Variants in CACNA2D2 observed in about 807,000 individuals in gnomAD.
CACNA2D2 encodes voltage-dependent calcium channel subunit alpha-2/delta-2.
A neutral mutation model predicts 166.4 loss-of-function variants in CACNA2D2; 48 were observed. The observed-to-expected ratio is 0.29, with a 90% CI of 0.23 to 0.37. The LOEUF is 0.37. Among genes scored for constraint, CACNA2D2 ranks in the 10% least tolerant of loss-of-function variants. The pLI is 1.00. For synonymous variants in CACNA2D2, 561 were observed against 573.7 expected, an observed-to-expected ratio of 0.98 and a Z score of 0.32; for missense variants, 1,122 against 1,433.0, an observed-to-expected ratio of 0.78 and a Z score of 3.50.
intron 1 of CACNA2D2, among the ~76,000 whole-genome samples, chr3:50,495,941 T>C (rs906899663): frequency 3.3e-5 from 5 of 152,252 alleles, no homozygotes; most frequent in East Asian, 1.9e-4. Context: ...TTGCAAAAAT[T>C]TGAATTACAA....
chr3:50,461,930 G>A (rs1351281434), intron 2 of CACNA2D2, among the ~76,000 whole-genome samples: 1 of 152,190 alleles, frequency 6.6e-6, no homozygotes, highest in Non-Finnish European at 1.5e-5. Flanking sequence ...GGCTGGGAGA[G>A]CAGCCAGTCT....
At chr3:50,420,819 C>T (rs1199414824) in intron 3 of CACNA2D2, among the ~76,000 whole-genome samples, 1 of 152,236 alleles carries the variant, frequency 6.6e-6, no homozygotes, top group Non-Finnish European at 1.5e-5. Context: ...CTGGCCCCCT[C>T]ACCCCTTCCT....
intron 3 of CACNA2D2, among the ~76,000 whole-genome samples, chr3:50,423,574 T>C (rs1707670972): frequency 6.6e-6 from 1 of 152,242 alleles, no homozygotes; most frequent in Non-Finnish European, 1.5e-5. Context: ...CCACCAACCC[T>C]GTCCAGGGAG....
At chr3:50,385,569 C>T (rs148987312) in intron 5 of CACNA2D2, among the ~76,000 whole-genome samples, 14 of 151,826 alleles carry the variant, frequency 9.2e-5, no homozygotes, top group East Asian at 5.8e-4. Flanking sequence ...CACAGGGGTA[C>T]GGCTCTGAAG....
chr3:50,409,443 A>T (rs1706885361), intron 3 of CACNA2D2, among the ~76,000 whole-genome samples: 1 of 152,352 alleles, frequency 6.6e-6, no homozygotes, highest in South Asian at 2.1e-4. Flanking sequence ...CTCCTGAAAT[A>T]TATGGGTTGG....
chr3:50,503,794 C>T (rs547763257), upstream of CACNA2D2, among the ~76,000 whole-genome samples: 960 of 151,684 alleles, frequency 6.3e-3, 13 homozygotes, highest in African/African-American at 0.023. Context: ...CCTCTCGTCC[C>T]CGCGCAGCCC....
chr3:50,370,434 G>A, intron 22 of CACNA2D2, 54 bp from the exon 23 acceptor site: 1 of 817,736 alleles, frequency 1.2e-6, no homozygotes, highest in Non-Finnish European at 2.1e-6. Context: ...TGGAGGCCGG[G>A]GGGCTCAGAG....
chr3:50,502,534 T>C (rs1284914445), intron 1 of CACNA2D2, among the ~76,000 whole-genome samples: 1 of 152,198 alleles, frequency 6.6e-6, no homozygotes, highest in Non-Finnish European at 1.5e-5. Context: ...TATTACTCTG[T>C]TGGCAGCAGC....
In CACNA2D2 at chr3:50,379,217, G is replaced by C. The variant is rs1042539704; in HGVS notation, c.1153-18C>G. 4 of 1,599,266 alleles carry C rather than the reference G, an allele frequency of 2.5e-6. No individual in the cohort carries two copies. The highest frequency in any genetic ancestry group is 3.4e-6 in the Non-Finnish European group (4 of 1,166,680). ...ATGTTGGACTGAGGGGAGTGAGGCG[G>C]AGGCAGGCAGCTCTCAGCCCTCCCT... On this transcript the variant is annotated intron_variant, in intron 11 of 37. Transcript: ENST00000424201. This position sits in a 1 kb window ranked among gnomAD's most constrained non-coding sequence, Gnocchi z 6.5.
At chr3:50,473,042 G>C (rs937057148) in intron 2 of CACNA2D2, among the ~76,000 whole-genome samples, 2 of 152,174 alleles carry the variant, frequency 1.3e-5, no homozygotes, top group African/African-American at 4.8e-5. Context: ...GGGAACCCAG[G>C]AGGATGCGAC....
At chr3:50,476,005 C>T in intron 2 of CACNA2D2, 113 bp downstream of exon 2, 1 of 910,118 alleles carries the variant, frequency 1.1e-6, no homozygotes, top group South Asian at 1.5e-5. Context: ...CATCAGGTCC[C>T]ACCACACCAG....
Position 50,454,196 on chromosome 3 carries a change from T to C in CACNA2D2, c.289-19767A>G, listed in dbSNP as rs757137045. On this transcript the variant is annotated intron_variant, in intron 2 of 37. Transcript: ENST00000424201. ...CAGCCAGGCTCCGGAAGCCTCCTCC[T>C]CCCTCTTGTGTCTGAGCACTGGGGA... 6.8e-4 allele frequency among the ~76,000 whole-genome samples: 103 copies of C among 152,132 alleles called. No homozygotes were observed. In the Middle Eastern group the frequency reaches 0.01, roughly 15 times the overall value.
At chr3:50,435,073 C>T (rs1443670635) in intron 2 of CACNA2D2, among the ~76,000 whole-genome samples, 1 of 152,048 alleles carries the variant, frequency 6.6e-6, no homozygotes, top group Non-Finnish European at 1.5e-5. Context: ...ATGAATCTGC[C>T]CAGCCTTCCT....
chr3:50,376,284 G>A lies in CACNA2D2; in HGVS notation c.1627-96C>T. 1 of 1,295,952 alleles carries A rather than the reference G, an allele frequency of 7.7e-7. No homozygotes were observed. The highest frequency in any genetic ancestry group is 1.1e-6 in the Non-Finnish European group (1 of 923,626). The allele number at this position is 1,295,952 out of a possible 1,614,324, so 80.3% of individuals were successfully genotyped here. On this transcript the variant is annotated intron_variant, in intron 17 of 37. Coordinates refer to ENST00000424201, the MANE Select transcript of CACNA2D2 (RefSeq NM_006030.4). The surrounding 1 kb of genome is among the most constrained non-coding windows in gnomAD (Gnocchi z 4.3). ...CCTATTTGGCCTCCCACCGCACCGA[G>A]AGATTCTGTTTGCCTGCCTTGGGCT...
At chr3:50,454,023 C>A (rs1232085299) in intron 2 of CACNA2D2, among the ~76,000 whole-genome samples, 1 of 152,192 alleles carries the variant, frequency 6.6e-6, no homozygotes, top group Non-Finnish European at 1.5e-5. Context: ...GGTGCCTGCT[C>A]TGAATGGCCA....
chr3:50,364,687 G>C lies in CACNA2D2; in HGVS notation c.3411C>G (p.Val1137=), dbSNP rs757358420. ...GTGCTCAGAGGCGGCGAGAGGCGTG[G>C]ACGAGGACTTGAGGCTGCGGCCGGG... ...LPPRPQPQVL[V]HASRRL Residue 1137 remains valine (V), a synonymous_variant, in exon 38 of 38, where the codon GTC becomes GTG. Coordinates refer to ENST00000424201, the MANE Select transcript of CACNA2D2 (RefSeq NM_006030.4). 1.9e-6 allele frequency: 3 copies of C among 1,539,228 alleles called. No homozygotes were observed. Among genetic ancestry groups the C allele is most frequent in the Middle Eastern group, 2.2e-4 (1 of 4,494 alleles).
Position 50,379,409 on chromosome 3 carries a change from A to G in CACNA2D2, c.1152+23T>C, listed in dbSNP as rs772532205. The G allele has an allele frequency of 6.2e-7, 1 of 1,610,470 alleles. No homozygotes were observed. Among genetic ancestry groups the G allele is most frequent in the Non-Finnish European group, 8.5e-7 (1 of 1,177,616 alleles). On this transcript the variant is annotated intron_variant, in intron 11 of 37. Coordinates refer to ENST00000424201, the MANE Select transcript of CACNA2D2 (RefSeq NM_006030.4). The surrounding 1 kb of genome is among the most constrained non-coding windows in gnomAD (Gnocchi z 6.5). Reference sequence around the variant, plus strand: ...GGGCCCTCTACTCCCCCAGCCGCCCACTTGCCCACCCATGGGGCTCACGTT... The same window carrying G: ...GGGCCCTCTACTCCCCCAGCCGCCCGCTTGCCCACCCATGGGGCTCACGTT...
At chr3:50,461,203 T>C (rs1709569482) in intron 2 of CACNA2D2, among the ~76,000 whole-genome samples, 1 of 152,210 alleles carries the variant, frequency 6.6e-6, no homozygotes, top group South Asian at 2.1e-4. Flanking sequence ...TACAAGTTTC[T>C]GATAAAAACC....
Position 50,483,151 on chromosome 3 carries a change from A to G in CACNA2D2, c.207-6952T>C, listed in dbSNP as rs947986594. Among the ~76,000 whole-genome samples the G allele has an allele frequency of 2.0e-5, 3 of 152,198 alleles. No individual in the cohort carries two copies. The South Asian group carries it at 6.2e-4, about 31-fold the overall frequency. On this transcript the variant is annotated intron_variant, in intron 1 of 37. Coordinates refer to ENST00000424201, the MANE Select transcript of CACNA2D2 (RefSeq NM_006030.4). ...CTTCACAAGCTGGCACAACCAAGGC[A>G]CAGAACTCAAGGGGGGCTGGCCCAT...
Sources: allele counts gnomAD v4.1 joint callset (sites outside exome capture counted in the v4.1 genomes callset), GRCh38; gene constraint gnomAD v4.1.1; non-coding constraint Gnocchi (gnomAD v3.1); transcripts MANE v1.5; gene names NCBI Gene and HGNC (gene_info 2026-07-23, HGNC 2026-07-21).